Variants in POT1 observed in about 807,000 individuals in gnomAD.
POT1 encodes the protein protection of telomeres 1.
In POT1, 47 loss-of-function variants were observed where a neutral mutation model predicts 78.5. The observed-to-expected ratio is 0.60, with a 90% CI of 0.47 to 0.76. The LOEUF is 0.76. Among genes scored for constraint, POT1 ranks in the 30% least tolerant of loss-of-function variants. The pLI is 0.00. For synonymous variants in POT1, 259 were observed against 260.7 expected (o/e 0.99, Z 0.06); for missense variants, 646 against 749.9 (o/e 0.86, Z 1.62).
At chr7:124,866,328 C>T (rs999693664) in intron 7 of POT1, among the ~76,000 whole-genome samples, 5 of 152,142 alleles carry the variant, frequency 3.3e-5, no homozygotes, top group African/African-American at 1.2e-4. Flanking sequence ...CTTTGTGCTG[C>T]CTCAGCTGAA....
At chr7:124,926,342 A>G (rs1045119294) in intron 2 of POT1, among the ~76,000 whole-genome samples, 3 of 152,210 alleles carry the variant, frequency 2.0e-5, no homozygotes, top group African/African-American at 7.2e-5. Context: ...TAAAATGTTC[A>G]ATATAACTAA....
At chr7:124,833,683 C>T (rs900173097) in intron 15 of POT1, among the ~76,000 whole-genome samples, 6 of 152,126 alleles carry the variant, frequency 3.9e-5, no homozygotes, top group African/African-American at 1.2e-4. Context: ...TTCTCTGTAA[C>T]TGGAATCTAA....
chr7:124,876,280 C>A (rs1387535134), intron 6 of POT1, among the ~76,000 whole-genome samples: 1 of 152,066 alleles, frequency 6.6e-6, no homozygotes, highest in Non-Finnish European at 1.5e-5. Flanking sequence ...GACTTTATTA[C>A]CTCTTTATTC....
At chr7:124,891,461 T>C (rs1796369833) in intron 6 of POT1, among the ~76,000 whole-genome samples, 1 of 151,646 alleles carries the variant, frequency 6.6e-6, no homozygotes, top group Non-Finnish European at 1.5e-5. Context: ...TTTTTTTTAA[T>C]GCACTCAGCT....
chr7:124,908,173 T>C (rs1208174298), intron 3 of POT1, among the ~76,000 whole-genome samples: 1 of 152,040 alleles, frequency 6.6e-6, no homozygotes, highest in Non-Finnish European at 1.5e-5. Context: ...TTACAAATCT[T>C]GTTAGGTTAC....
chr7:124,846,914 C>T (rs1469703749), intron 12 of POT1, 28 bp downstream of exon 12: 6 of 1,483,874 alleles, frequency 4.0e-6, no homozygotes, highest in Non-Finnish European at 5.6e-6. Context: ...ATTACTGTGC[C>T]CATCTCAAAA....
chr7:124,864,467 C>T (rs1480341523), intron 7 of POT1, among the ~76,000 whole-genome samples: 2 of 151,916 alleles, frequency 1.3e-5, no homozygotes, highest in Non-Finnish European at 2.9e-5. Flanking sequence ...ATTTGTTTTC[C>T]TTTTTTTCAT....
chr7:124,917,036 A>G (rs1026727214), intron 2 of POT1, among the ~76,000 whole-genome samples: 1 of 152,004 alleles, frequency 6.6e-6, no homozygotes. Flanking sequence ...GCAAGAACAG[A>G]AAAAAACACC....
chr7:124,853,792 T>G (rs1274996084), intron 9 of POT1, among the ~76,000 whole-genome samples: 1 of 152,078 alleles, frequency 6.6e-6, no homozygotes, highest in African/African-American at 2.4e-5. Flanking sequence ...TTTGCTAAAC[T>G]TAGTCTACAA....
chr7:124,843,014 C>A, intron 12 of POT1, 51 bp from the exon 13 acceptor site: 1 of 1,291,242 alleles, frequency 7.7e-7, no homozygotes, highest in African/African-American at 1.5e-5. Flanking sequence ...ATATTTATGA[C>A]ATGCATCCTC....
chr7:124,887,070 A>G (rs78251774), intron 6 of POT1, among the ~76,000 whole-genome samples: 3,098 of 152,206 alleles, frequency 0.02, 96 homozygotes, highest in African/African-American at 0.069. Flanking sequence ...TAGTGATTAC[A>G]TCTTTATGGC....
At chr7:124,913,578 G>A (rs1796943510) in intron 3 of POT1, among the ~76,000 whole-genome samples, 1 of 152,024 alleles carries the variant, frequency 6.6e-6, no homozygotes, top group South Asian at 2.1e-4. Context: ...ATTTGCCTCT[G>A]TATCTCTGAA....
intron 11 of POT1, among the ~76,000 whole-genome samples, chr7:124,850,503 G>A (rs915850788): frequency 6.6e-5 from 10 of 152,090 alleles, no homozygotes; most frequent in African/African-American, 1.7e-4. Context: ...CGAGGCGGGC[G>A]GATCATGAGG....
chr7:124,837,417 T>C lies in POT1; in HGVS notation c.1370-2003A>G, dbSNP rs1183633154. Among the ~76,000 whole-genome samples, 5 of 151,820 alleles carry C rather than the reference T, an allele frequency of 3.3e-5. No individual in the cohort carries two copies. In the East Asian group the frequency reaches 5.8e-4, roughly 18 times the overall value. On this transcript the variant is annotated intron_variant, in intron 14 of 18. Transcript: ENST00000357628. Reference sequence around the variant, plus strand: ...GTTAAATGTTATGCAGTTTAAAATATAGTGTTAATAATAAATAAATATTAT... The same window carrying C: ...GTTAAATGTTATGCAGTTTAAAATACAGTGTTAATAATAAATAAATATTAT...
intron 15 of POT1, among the ~76,000 whole-genome samples, chr7:124,835,041 A>G (rs1381935869): frequency 1.3e-5 from 2 of 152,158 alleles, no homozygotes; most frequent in Non-Finnish European, 2.9e-5. Flanking sequence ...GGAGTTGAAC[A>G]ATGAGAACAC....
intron 3 of POT1, among the ~76,000 whole-genome samples, chr7:124,903,908 G>C (rs1431693193): frequency 6.6e-6 from 1 of 152,162 alleles, no homozygotes. Flanking sequence ...AAATAAACTA[G>C]AAACTCTAGA....
At chr7:124,848,504 A>C (rs1795224982) in intron 11 of POT1, 1 of 155,576 alleles carries the variant, frequency 6.4e-6, no homozygotes, top group South Asian at 1.8e-4. Context: ...GTCTCTACTA[A>C]AAATACAAAA....
chr7:124,874,419 T>C (rs1017962787), intron 6 of POT1, among the ~76,000 whole-genome samples: 1 of 152,098 alleles, frequency 6.6e-6, no homozygotes, highest in African/African-American at 2.4e-5. Context: ...CCTACATTTT[T>C]AAATATAAAA....
intron 7 of POT1, among the ~76,000 whole-genome samples, chr7:124,865,428 T>C (rs1459630404): frequency 3.3e-5 from 5 of 152,106 alleles, no homozygotes; most frequent in Admixed American, 2.6e-4. Flanking sequence ...TAACCCTTGA[T>C]ATTGTTCCAT....
Sources: gnomAD v4.1 joint callset for allele counts (sites outside exome capture counted in the v4.1 genomes callset) on GRCh38, gnomAD v4.1.1 for gene constraint, MANE v1.5 for transcripts, NCBI Gene and HGNC (gene_info 2026-07-23, HGNC 2026-07-21) for gene names.